GPR151: variants seen among roughly 807,000 people sequenced by gnomAD.
GPR151 encodes the protein G protein-coupled receptor 151.
GPR151 carries 16 observed loss-of-function variants against 18.2 expected under a neutral mutation model. The observed-to-expected ratio is 0.88, with a 90% confidence interval of 0.60 to 1.34. The LOEUF (loss-of-function observed/expected upper bound fraction) is 1.34, where lower values mean the gene tolerates loss of function less well. Ranked by LOEUF, GPR151 falls within the 40% of genes most tolerant of loss-of-function variation. The pLI is 0.00. For synonymous variants in GPR151, 202 were observed against 191.2 expected (o/e 1.06, Z -0.47); for missense variants, 509 against 504.3 (o/e 1.01, Z -0.09).
In GPR151 at chr5:146,515,653, A is replaced by T; in HGVS notation, c.461T>A (p.Ile154Asn). The T allele has an allele frequency of 6.2e-7, 1 of 1,614,162 alleles. No homozygotes were observed. The highest frequency in any genetic ancestry group is 8.5e-7 in the Non-Finnish European group (1 of 1,180,024). ...CCAGATGGCCACCAGCACTGACCAG[A>T]TGGTGTAGTTGTGGATACTCACTTG... ...AKQVSIHNYT[I>N]WSVLVAIWTV... is the part of the protein sequence containing the mutation. Residue 154 changes from isoleucine (I) to asparagine (N), a missense_variant, in exon 1 of 1, where the codon ATC becomes AAC. Coordinates refer to ENST00000311104, the MANE Select transcript of GPR151 (RefSeq NM_194251.3).
Position 146,514,728 on chromosome 5 carries a change from G to T in GPR151, c.*126C>A. On this transcript the variant is annotated 3_prime_UTR_variant, in exon 1 of 1. Coordinates refer to ENST00000311104, the MANE Select transcript of GPR151 (RefSeq NM_194251.3). ...CCACATTGCACATTTGGAAAGTGTAGATTGTGAAATATTTTTATAATTCCT... is the reference window on the plus strand; with the variant it reads ...CCACATTGCACATTTGGAAAGTGTATATTGTGAAATATTTTTATAATTCCT... 3.0e-6 allele frequency: 2 copies of T among 665,884 alleles called. No individual in the cohort carries two copies. The highest frequency in any genetic ancestry group is 5.0e-6 in the Non-Finnish European group (2 of 401,916). 41.2% of individuals were successfully genotyped at this position (665,884 alleles called of 1,614,324 possible).
At position 146,515,640 on chromosome 5, in the gene GPR151, C is replaced by G; in HGVS notation, c.474G>C (p.Leu158=). ...SIHNYTIWSV[L]VAIWTVASLL... Reference sequence around the variant, plus strand: ...GGCTAGCCACAGTCCAGATGGCCACCAGCACTGACCAGATGGTGTAGTTGT... The same window carrying G: ...GGCTAGCCACAGTCCAGATGGCCACGAGCACTGACCAGATGGTGTAGTTGT... Residue 158 remains leucine (L), a synonymous_variant, in exon 1 of 1, where the codon CTG becomes CTC. Transcript: ENST00000311104. 3 of 1,614,154 alleles carry G rather than the reference C, an allele frequency of 1.9e-6. No homozygotes were observed. Among genetic ancestry groups the G allele is most frequent in the African/African-American group, 1.3e-5 (1 of 75,048 alleles).
rs752528404 is a variant in GPR151, at chr5:146,515,515, G to A, written c.599C>T (p.Ser200Leu). ...GAGTGGGTAGAGCTTACCAAACATC[G>A]ACATAAACTCTTCAGCCACAGCTGG... ...DVPAVAEEFM[S>L]MFGKLYPLLA... Residue 200 changes from serine to leucine, a missense_variant, in exon 1 of 1, where the codon TCG (serine) becomes TTG (leucine). Coordinates refer to ENST00000311104, the MANE Select transcript of GPR151 (RefSeq NM_194251.3). 6.2e-6 allele frequency: 10 copies of A among 1,614,062 alleles called. No homozygotes were observed. Among genetic ancestry groups the A allele is most frequent in the East Asian group, 4.5e-5 (2 of 44,878 alleles).
In GPR151 at chr5:146,515,549, C is replaced by G; in HGVS notation, c.565G>C (p.Val189Leu). 1 of 1,614,186 alleles carries G rather than the reference C, an allele frequency of 6.2e-7. No homozygotes were observed. Among genetic ancestry groups the G allele is most frequent in the South Asian group, 1.1e-5 (1 of 91,082 alleles). The change falls in exon 1 of 1, where the codon GTG (valine) becomes CTG (leucine). Residue 189 changes from valine (V) to leucine (L), a missense_variant. Val to Leu is a conservative substitution (Grantham distance 32). Transcript: ENST00000311104. ...RHHEGVEMCLVDVPAVAEEFM... is the reference protein window; with the variant it reads ...RHHEGVEMCLLDVPAVAEEFM... ...TCTTCAGCCACAGCTGGTACATCCA[C>G]GAGGCACATTTCCACACCTTCATGA...
Position 146,514,793 on chromosome 5 carries a change from T to G in GPR151, c.*61A>C, listed in dbSNP as rs1030521671. ...TATCAGTTTGTAAAGTCAGCAATAT[T>G]GATAAGCAGCAGTACAAGTAAATAC... On this transcript the variant is annotated 3_prime_UTR_variant, in exon 1 of 1. Coordinates refer to ENST00000311104, the MANE Select transcript of GPR151 (RefSeq NM_194251.3). 1.1e-4 allele frequency: 124 copies of G among 1,079,946 alleles called. No homozygotes were observed. The highest frequency in any genetic ancestry group is 7.9e-4 in the South Asian group (47 of 59,748). The allele number at this position is 1,079,946 out of a possible 1,614,324, so 66.9% of individuals were successfully genotyped here. A position where few individuals can be genotyped will look rare whatever the true frequency, so the allele number is the denominator to read the frequency against.
chr5:146,515,886 CAG>C lies in GPR151; in HGVS notation c.226_227del (p.Leu76AspfsTer8), dbSNP rs757941978. The C allele has an allele frequency of 6.1e-5, 99 of 1,614,032 alleles. No homozygotes were observed. In the Middle Eastern group the frequency reaches 1.2e-3, roughly 19 times the overall value. ...GATCAGCCAGGCTGAGATTCAGAAT[CAG>C]GGAGTGGATCATGGATGGCTTTCCT... Reference protein sequence around the residue: ...WKGKPSMIHSLILNLSLADLS... With the variant: ...WKGKPSMIHSXILNLSLADLS... On this transcript the variant is annotated frameshift_variant, in exon 1 of 1. Transcript: ENST00000311104. LOFTEE classifies it high-confidence loss of function.
chr5:146,516,117 T>C lies in GPR151; in HGVS notation c.-4A>G. ...CTGCAAAGGCAGCTGCCAGCATCAC[T>C]CTTCACAGCTTCTTACAGAAGTTAG... On this transcript the variant is annotated 5_prime_UTR_variant, in exon 1 of 1. Transcript: ENST00000311104. 6.2e-7 allele frequency: 1 copy of C among 1,600,246 alleles called. No homozygotes were observed. Among genetic ancestry groups the C allele is most frequent in the Middle Eastern group, 1.7e-4 (1 of 5,942 alleles).
chr5:146,514,969 A>T lies in GPR151; in HGVS notation c.1145T>A (p.Ile382Asn). Residue 382 changes from isoleucine (I) to asparagine (N), a missense_variant, in exon 1 of 1, where the codon ATC becomes AAC. Ile to Asn is a moderately radical substitution (Grantham distance 149, BLOSUM62 -3). Coordinates refer to ENST00000311104, the MANE Select transcript of GPR151 (RefSeq NM_194251.3). Reference protein sequence around the residue: ...KGKTEKAEIPILPDVEQFWHE... With the variant: ...KGKTEKAEIPNLPDVEQFWHE... ...CCAAAACTGCTCTACGTCAGGAAGG[A>T]TGGGAATCTCTGCCTTCTCAGTTTT... The T allele has an allele frequency of 6.2e-7, 1 of 1,614,134 alleles. No homozygotes were observed. Among genetic ancestry groups the T allele is most frequent in the Admixed American group, 1.7e-5 (1 of 60,020 alleles).
chr5:146,515,152 C>T lies in GPR151; in HGVS notation c.962G>A (p.Trp321Ter), dbSNP rs989212137. 6.2e-7 allele frequency: 1 copy of T among 1,614,076 alleles called. No individual in the cohort carries two copies. Among genetic ancestry groups the T allele is most frequent in the Admixed American group, 1.7e-5 (1 of 60,006 alleles). Residue 321 changes from tryptophan to a stop codon, truncating the protein, a stop_gained, in exon 1 of 1, where the codon TGG (tryptophan) becomes TAG (stop). Transcript: ENST00000311104. LOFTEE classifies it low-confidence loss of function (END_TRUNC). The stretch of plus-strand genomic sequence containing the variant: ...AGGTTTTTTGGTTATCATCCATTTC[C>T]ATACACCTTTCAAGCCTTCCCTGAA... ...EEFREGLKGVWKWMITKKPPT... is the reference protein window; with the variant it reads ...EEFREGLKGV
chr5:146,514,684 T>C lies in GPR151; in HGVS notation c.*170A>G. ...CTAATTCTGAAACAATTATTACTTC[T>C]AACATGGTTCTCTACTTACCACATT... is the stretch of plus-strand genomic sequence containing the variant. On this transcript the variant is annotated 3_prime_UTR_variant, in exon 1 of 1. Transcript: ENST00000311104. The C allele has an allele frequency of 1.8e-6, 1 of 541,634 alleles. No homozygotes were observed. The highest frequency in any genetic ancestry group is 3.2e-6 in the Non-Finnish European group (1 of 314,750). The allele number at this position is 541,634 out of a possible 1,614,324, so 33.6% of individuals were successfully genotyped here.
Position 146,515,697 on chromosome 5 carries a change from A to G in GPR151, c.417T>C (p.Tyr139=), listed in dbSNP as rs768441360. 2 of 1,614,188 alleles carry G rather than the reference A, an allele frequency of 1.2e-6. No individual in the cohort carries two copies. The highest frequency in any genetic ancestry group is 1.1e-5 in the South Asian group (1 of 91,082). The change falls in exon 1 of 1, where the codon TAT becomes TAC. Residue 139 remains tyrosine, a synonymous_variant. Coordinates refer to ENST00000311104, the MANE Select transcript of GPR151 (RefSeq NM_194251.3). ...TCACTTGCTTGGCTGGGTCACTTGC[A>G]TACATGAAGCATACTTTGGCCACCA... ...IVVVAKVCFM[Y]ASDPAKQVSI...
At position 146,516,066 on chromosome 5, in the gene GPR151, C is replaced by T. The variant is rs1192965979; in HGVS notation, c.48G>A (p.Val16=). Residue 16 remains valine (V), a synonymous_variant, in exon 1 of 1, where the codon GTG becomes GTA. Coordinates refer to ENST00000311104, the MANE Select transcript of GPR151 (RefSeq NM_194251.3). ...FADSNSSSMN[V]SFAHLHFAGG... is the part of the protein sequence containing the mutation. ...CGGCAAAGTGGAGGTGAGCAAAGGA[C>T]ACATTCATGCTGCTGGAGTTAGAGT... 6.2e-7 allele frequency: 1 copy of T among 1,613,904 alleles called. No individual in the cohort carries two copies. Among genetic ancestry groups the T allele is most frequent in the East Asian group, 2.2e-5 (1 of 44,886 alleles).
chr5:146,516,131 T>C lies in GPR151; in HGVS notation c.-18A>G. The C allele has an allele frequency of 1.9e-6, 3 of 1,585,558 alleles. No individual in the cohort carries two copies. The highest frequency in any genetic ancestry group is 2.6e-6 in the Non-Finnish European group (3 of 1,167,726). On this transcript the variant is annotated 5_prime_UTR_variant, in exon 1 of 1. Transcript: ENST00000311104. ...GCCAGCATCACTCTTCACAGCTTCT[T>C]ACAGAAGTTAGATTCTTATTTAGGT...
In GPR151 at chr5:146,514,136, A is replaced by G. The variant is rs1194321584; in HGVS notation, c.*718T>C. On this transcript the variant is annotated 3_prime_UTR_variant, in exon 1 of 1. Coordinates refer to ENST00000311104, the MANE Select transcript of GPR151 (RefSeq NM_194251.3). Reference sequence around the variant, plus strand: ...ATTGGAAAGCTGCTACAATTCTTAGACTTAGAAACTGAAGACTCATTCAGG... The same window carrying G: ...ATTGGAAAGCTGCTACAATTCTTAGGCTTAGAAACTGAAGACTCATTCAGG... The G allele has an allele frequency of 6.6e-6, 1 of 152,204 alleles. No individual in the cohort carries two copies. Among genetic ancestry groups the G allele is most frequent in the Non-Finnish European group, 1.5e-5 (1 of 68,020 alleles). The allele number at this position is 152,204 out of a possible 1,614,324, so 9.4% of individuals were successfully genotyped here.
Position 146,515,806 on chromosome 5 carries a change from A to C in GPR151, c.308T>G (p.Val103Gly). The C allele has an allele frequency of 1.9e-6, 3 of 1,614,196 alleles. No homozygotes were observed. In the South Asian group the frequency reaches 3.3e-5, roughly 18 times the overall value. ...PIRATAYSKS[V>G]WDLGWFVCKS... Reference sequence around the variant, plus strand: ...GCAGACAAACCAGCCTAGATCCCAAACACTTTTGGAGTACGCCGTAGCTCG... The same window carrying C: ...GCAGACAAACCAGCCTAGATCCCAACCACTTTTGGAGTACGCCGTAGCTCG... Residue 103 changes from valine to glycine, a missense_variant, in exon 1 of 1, where the codon GTT (valine) becomes GGT (glycine). By Grantham distance (109) the Val-to-Gly change is moderately radical (BLOSUM62 -3). Transcript: ENST00000311104.
chr5:146,515,686 G>A lies in GPR151; in HGVS notation c.428C>T (p.Pro143Leu), dbSNP rs138413807. Residue 143 changes from proline (P) to leucine (L), a missense_variant, in exon 1 of 1, where the codon CCA becomes CTA. Coordinates refer to ENST00000311104, the MANE Select transcript of GPR151 (RefSeq NM_194251.3). ...GTTGTGGATACTCACTTGCTTGGCT[G>A]GGTCACTTGCATACATGAAGCATAC... Reference protein sequence around the residue: ...AKVCFMYASDPAKQVSIHNYT... With the variant: ...AKVCFMYASDLAKQVSIHNYT... The A allele has an allele frequency of 3.1e-6, 5 of 1,614,058 alleles. No homozygotes were observed. Among genetic ancestry groups the A allele is most frequent in the African/African-American group, 2.7e-5 (2 of 74,916 alleles).
In GPR151 at chr5:146,516,155, G is replaced by C. The variant is rs1394646081; in HGVS notation, c.-42C>G. On this transcript the variant is annotated 5_prime_UTR_variant, in exon 1 of 1. Transcript: ENST00000311104. ...TTACAGAAGTTAGATTCTTATTTAG[G>C]TTTGTCTTTCTGCCTGGGCTCTTTT... The C allele has an allele frequency of 1.3e-6, 2 of 1,550,904 alleles. No homozygotes were observed. Among genetic ancestry groups the C allele is most frequent in the African/African-American group, 1.4e-5 (1 of 72,684 alleles).
Position 146,515,260 on chromosome 5 carries a change from TGTG to T in GPR151, c.851_853del (p.Pro284del), listed in dbSNP as rs1768588143. On this transcript the variant is annotated inframe_deletion, in exon 1 of 1. Coordinates refer to ENST00000311104, the MANE Select transcript of GPR151 (RefSeq NM_194251.3). ...GACTTGAGACAGGGCTATGAAACCT[TGTG>T]GTGGGGCCGGGCCTGCAGCCTTCAG... The T allele has an allele frequency of 6.2e-7, 1 of 1,614,144 alleles. No homozygotes were observed. The highest frequency in any genetic ancestry group is 1.3e-5 in the African/African-American group (1 of 75,042).
Position 146,515,880 on chromosome 5 carries a change from C to G in GPR151, c.234G>C (p.Leu78=), listed in dbSNP as rs946943092. ...GKPSMIHSLI[L]NLSLADLSLL... ...GGGAGAGATCAGCCAGGCTGAGATT[C>G]AGAATCAGGGAGTGGATCATGGATG... Residue 78 remains leucine (L), a synonymous_variant, in exon 1 of 1, where the codon CTG becomes CTC. Transcript: ENST00000311104. 1.2e-6 allele frequency: 2 copies of G among 1,614,132 alleles called. No individual in the cohort carries two copies. The highest frequency in any genetic ancestry group is 3.3e-5 in the Admixed American group (2 of 60,004).
Sources: gnomAD v4.1 joint callset for allele counts on GRCh38, gnomAD v4.1.1 for gene constraint, MANE v1.5 for transcripts, NCBI Gene and HGNC (gene_info 2026-07-23, HGNC 2026-07-21) for gene names.